PPP1R2: variants seen among roughly 807,000 people sequenced by gnomAD.
PPP1R2 encodes the protein protein phosphatase inhibitor 2.
PPP1R2 carries 16 observed loss-of-function variants against 29.9 expected under a neutral mutation model. The observed-to-expected ratio is 0.53, with a 90% confidence interval of 0.36 to 0.81. The LOEUF is 0.81. Ranked by LOEUF, PPP1R2 falls within the 30% of genes least tolerant of loss-of-function variation. The pLI, the probability that PPP1R2 is intolerant of heterozygous loss-of-function variation, is 0.00. For missense variants in PPP1R2, 197 were observed against 252.7 expected (o/e 0.78, Z 1.49); for synonymous variants, 76 against 91.5 (o/e 0.83, Z 0.96).
intron 1 of PPP1R2, among the ~76,000 whole-genome samples, chr3:195,540,094 C>A (rs565483576): frequency 6.6e-6 from 1 of 152,164 alleles, no homozygotes; most frequent in South Asian, 2.1e-4. Context: ...TTCTCTGATT[C>A]TTTCTTTGCA....
chr3:195,529,946 T>C (rs1719119267), intron 1 of PPP1R2, 45 bp from the exon 2 acceptor site: 1 of 1,319,252 alleles, frequency 7.6e-7, no homozygotes. Context: ...CAGAAAAAGA[T>C]AAACCTGAAT....
chr3:195,524,389 G>T (rs1022049249), intron 3 of PPP1R2, among the ~76,000 whole-genome samples: 27 of 152,186 alleles, frequency 1.8e-4, no homozygotes, highest in African/African-American at 6.5e-4. Flanking sequence ...AGGCTTGGTG[G>T]CATGGGCCTG....
chr3:195,542,958 G>A lies in PPP1R2; in HGVS notation c.68C>T (p.Ser23Phe). 2 of 1,603,632 alleles carry A rather than the reference G, an allele frequency of 1.2e-6. No homozygotes were observed. Among genetic ancestry groups the A allele is most frequent in the Non-Finnish European group, 8.5e-7 (1 of 1,174,996 alleles). ...GILKNKTSTT[S>F]SMVASAEQPR... The stretch of plus-strand genomic sequence containing the variant: ...CTGTTCGGCCGACGCCACCATAGAG[G>A]AAGTCGTAGAGGTCTTGTTCTTCAA... The change falls in exon 1 of 6, where the codon TCC becomes TTC. Residue 23 changes from serine (S) to phenylalanine (F), a missense_variant. Ser to Phe is a radical substitution (Grantham distance 155). Coordinates refer to ENST00000618156, the MANE Select transcript of PPP1R2 (RefSeq NM_006241.8).
intron 1 of PPP1R2, among the ~76,000 whole-genome samples, chr3:195,537,583 T>C (rs1423428997): frequency 6.6e-6 from 1 of 151,754 alleles, no homozygotes; most frequent in Non-Finnish European, 1.5e-5. Flanking sequence ...AATTTCCTCA[T>C]GTGAATTATG....
rs1718501309 is a variant in PPP1R2 at position 195,515,216 on chromosome 3, C to T, written c.*1680G>A. 6.2e-6 allele frequency: 1 copy of T among 160,568 alleles called. No homozygotes were observed. Among genetic ancestry groups the T allele is most frequent in the African/African-American group, 2.4e-5 (1 of 41,472 alleles). The allele number at this position is 160,568 out of a possible 1,614,324, so 9.9% of individuals were successfully genotyped here. ...GTTTCTAAATCAGTGGTATTCCTAGCTGAAATGTTTAGAATACTGCACTCA... is the reference window on the plus strand; with the variant it reads ...GTTTCTAAATCAGTGGTATTCCTAGTTGAAATGTTTAGAATACTGCACTCA... On this transcript the variant is annotated 3_prime_UTR_variant, in exon 6 of 6. Transcript: ENST00000618156.
Position 195,516,085 on chromosome 3 carries a change from A to C in PPP1R2, c.*811T>G, listed in dbSNP as rs527432222. Reference sequence around the variant, plus strand: ...TGTGTGGAAAGGAGTAGGAAAGAAAAGCAGGAGGTTAAGACAGGTATTTAA... The same window carrying C: ...TGTGTGGAAAGGAGTAGGAAAGAAACGCAGGAGGTTAAGACAGGTATTTAA... On this transcript the variant is annotated 3_prime_UTR_variant, in exon 6 of 6. Coordinates refer to ENST00000618156, the MANE Select transcript of PPP1R2 (RefSeq NM_006241.8). 2.6e-5 allele frequency: 4 copies of C among 152,538 alleles called. No individual in the cohort carries two copies. The highest frequency in any genetic ancestry group is 9.6e-5 in the African/African-American group (4 of 41,582). The allele number at this position is 152,538 out of a possible 1,614,324, so 9.4% of individuals were successfully genotyped here.
intron 1 of PPP1R2, among the ~76,000 whole-genome samples, chr3:195,542,365 T>C (rs1278146441): frequency 6.6e-6 from 1 of 152,222 alleles, no homozygotes; most frequent in Non-Finnish European, 1.5e-5. Context: ...CTCTTTGAAC[T>C]GTTTTGAGCT....
intron 1 of PPP1R2, among the ~76,000 whole-genome samples, chr3:195,534,015 A>C (rs956077378): frequency 6.6e-6 from 1 of 152,212 alleles, no homozygotes; most frequent in Non-Finnish European, 1.5e-5. Context: ...GGCCATTAAG[A>C]AAATCACTAA....
chr3:195,543,139 G>T lies in PPP1R2; in HGVS notation c.-114C>A. 1 of 1,364,630 alleles carries T rather than the reference G, an allele frequency of 7.3e-7. No individual in the cohort carries two copies. Among genetic ancestry groups the T allele is most frequent in the Non-Finnish European group, 9.7e-7 (1 of 1,034,892 alleles). The allele number at this position is 1,364,630 out of a possible 1,614,324, so 84.5% of individuals were successfully genotyped here. On this transcript the variant is annotated 5_prime_UTR_variant, in exon 1 of 6. Transcript: ENST00000618156. ...GCCGCAGATCCCGCTCAGGGCTAAAGCGGCCGCAACTGCTGCCTCGGAAAC... is the reference window on the plus strand; with the variant it reads ...GCCGCAGATCCCGCTCAGGGCTAAATCGGCCGCAACTGCTGCCTCGGAAAC...
chr3:195,535,950 C>G (rs1012735330), intron 1 of PPP1R2, among the ~76,000 whole-genome samples: 1 of 151,920 alleles, frequency 6.6e-6, no homozygotes, highest in Non-Finnish European at 1.5e-5. Flanking sequence ...GTGAGACCAA[C>G]CCCTCCTCCT....
chr3:195,526,095 T>G (rs1167385590), intron 2 of PPP1R2, among the ~76,000 whole-genome samples: 1 of 118,336 alleles, frequency 8.5e-6, no homozygotes, highest in African/African-American at 3.4e-5. Context: ...CATCTTCACT[T>G]AAATAAAATT....
chr3:195,519,230 T>C, intron 4 of PPP1R2, 45 bp from the exon 5 acceptor site: 2 of 1,385,218 alleles, frequency 1.4e-6, no homozygotes, highest in Non-Finnish European at 2.0e-6. Flanking sequence ...AGCTCAAGGA[T>C]TGGCCCATGC....
chr3:195,519,329 G>T, intron 4 of PPP1R2, 144 bp from the exon 5 acceptor site: 1 of 637,298 alleles, frequency 1.6e-6, no homozygotes, highest in Non-Finnish European at 2.6e-6. Context: ...TGGCAGAGTT[G>T]AGTAGTTCGT....
At position 195,515,010 on chromosome 3, in the gene PPP1R2, C is replaced by CAAAAA; in HGVS notation, c.*1881_*1885dup. On this transcript the variant is annotated 3_prime_UTR_variant, in exon 6 of 6. Coordinates refer to ENST00000618156, the MANE Select transcript of PPP1R2 (RefSeq NM_006241.8). ...CTTCACTCTATGACAGCTACTTCTA[C>CAAAAA]AAAAAAAAAAAAAGAGTATGTGGGT... 5 of 210,336 alleles carry CAAAAA rather than the reference C, an allele frequency of 2.4e-5. No homozygotes were observed. The highest frequency in any genetic ancestry group is 1.7e-4 in the South Asian group (2 of 12,012). 13.0% of individuals were successfully genotyped at this position (210,336 alleles called of 1,614,324 possible). A position where few individuals can be genotyped will look rare whatever the true frequency, so the allele number is the denominator to read the frequency against.
At chr3:195,528,702 ATTTTTTTTTTTTT>A (rs1186534650) in intron 2 of PPP1R2, 9 of 59,972 alleles carry the variant, frequency 1.5e-4, no homozygotes, top group East Asian at 8.0e-4. Context: ...GGGCATAACT[ATTTTTTTTTTTTT>A]TTTTTTTTTT....
intron 1 of PPP1R2, among the ~76,000 whole-genome samples, 178 bp downstream of exon 1, chr3:195,542,726 A>G (rs1719641740): frequency 6.6e-6 from 1 of 151,320 alleles, no homozygotes; most frequent in Non-Finnish European, 1.5e-5. Context: ...AGGAAGCATG[A>G]TAAACGTCAT....
chr3:195,528,307 A>G (rs1203677876), intron 2 of PPP1R2, among the ~76,000 whole-genome samples: 4 of 152,142 alleles, frequency 2.6e-5, no homozygotes, highest in Non-Finnish European at 5.9e-5. Flanking sequence ...GAATGCCATT[A>G]TTTTGTTCCT....
intron 1 of PPP1R2, 85 bp downstream of exon 1, chr3:195,542,819 C>T: frequency 7.0e-7 from 1 of 1,427,424 alleles, no homozygotes; most frequent in Non-Finnish European, 9.3e-7. Flanking sequence ...GCCGCATCCA[C>T]GCCGCCCGCC....
At chr3:195,527,095 AT>A (rs199811521) in intron 2 of PPP1R2, among the ~76,000 whole-genome samples, 2,438 of 150,774 alleles carry the variant, frequency 0.016, 84 homozygotes, top group African/African-American at 0.056. Context: ...ATTTGTTTTA[AT>A]TTTTTTTGTG....
Sources: allele counts gnomAD v4.1 joint callset (sites outside exome capture counted in the v4.1 genomes callset), GRCh38; gene constraint gnomAD v4.1.1; transcripts MANE v1.5; gene names NCBI Gene and HGNC (gene_info 2026-07-23, HGNC 2026-07-21).